The following MBTPS1 variants were observed in gnomAD, a reference collection of about 807,000 sequenced individuals.
MBTPS1 encodes membrane bound transcription factor peptidase, site 1.
A neutral mutation model predicts 127.8 loss-of-function variants in MBTPS1; 94 were observed. The ratio of observed to expected loss-of-function variants is 0.74; its 90% CI spans 0.62 to 0.87. The LOEUF (loss-of-function observed/expected upper bound fraction) is 0.87, where lower values mean the gene tolerates loss of function less well. Among genes scored for constraint, MBTPS1 ranks in the 40% least tolerant of loss-of-function variants. The probability of loss-of-function intolerance (pLI) is 0.00; values close to 1 mark genes in which losing one functional copy is unlikely to be tolerated. For synonymous variants in MBTPS1, 632 were observed against 509.4 expected (o/e 1.24, Z -3.24); for missense variants, 1,636 against 1,353.2 (o/e 1.21, Z -3.28).
At chr16:84,090,548 A>T (rs904770018) in intron 8 of MBTPS1, among the ~76,000 whole-genome samples, 1 of 152,228 alleles carries the variant, frequency 6.6e-6, no homozygotes, top group South Asian at 2.1e-4. Flanking sequence ...AATCCCTAAT[A>T]GATTCACTTT....
chr16:84,083,946 C>G (rs908135018), intron 10 of MBTPS1, among the ~76,000 whole-genome samples: 1 of 152,186 alleles, frequency 6.6e-6, no homozygotes, highest in East Asian at 1.9e-4. Flanking sequence ...GGTCTACTCG[C>G]TTGGAGAACT....
At chr16:84,057,201 A>G (rs796438445) in intron 21 of MBTPS1, 8 of 152,358 alleles carry the variant, frequency 5.3e-5, no homozygotes, top group African/African-American at 1.7e-4. Context: ...AATGCCAATG[A>G]GCACTCATTA....
intron 1 of MBTPS1, among the ~76,000 whole-genome samples, chr16:84,109,136 T>C (rs992140756): frequency 1.3e-5 from 2 of 152,210 alleles, no homozygotes; most frequent in African/African-American, 2.4e-5. Flanking sequence ...CTAGGCTCTT[T>C]GGACAAAGAA....
chr16:84,054,501 T>G lies in MBTPS1; in HGVS notation c.3107A>C (p.Lys1036Thr), dbSNP rs1377570695. 3.1e-6 allele frequency: 5 copies of G among 1,613,392 alleles called. No individual in the cohort carries two copies. Among genetic ancestry groups the G allele is most frequent in the Non-Finnish European group, 4.2e-6 (5 of 1,179,662 alleles). ...AACCTGCTGCATGAGCTGCGGGCGC[T>G]TCACCCTGGGCTTCCTCCGCTTCGG... Reference protein sequence around the residue: ...SRPKRRKPRVKRPQLMQQVHP... With the variant: ...SRPKRRKPRVTRPQLMQQVHP... The change falls in exon 23 of 23, where the codon AAG becomes ACG. Residue 1036 changes from lysine to threonine, a missense_variant. Lys to Thr is a moderately conservative substitution (Grantham distance 78, BLOSUM62 -1). Coordinates refer to ENST00000343411, the MANE Select transcript of MBTPS1 (RefSeq NM_003791.4).
intron 1 of MBTPS1, among the ~76,000 whole-genome samples, chr16:84,111,600 A>T (rs1316548904): frequency 6.6e-6 from 1 of 152,118 alleles, no homozygotes; most frequent in Non-Finnish European, 1.5e-5. Flanking sequence ...GGAAGAAGTC[A>T]GGAGCCAAGG....
chr16:84,065,224 TCTCCTGC>T (rs2085664123), intron 18 of MBTPS1, among the ~76,000 whole-genome samples: 1 of 151,914 alleles, frequency 6.6e-6, no homozygotes, highest in Non-Finnish European at 1.5e-5. Context: ...TTCAAGCGAT[TCTCCTGC>T]CTCAGCCTCC....
At chr16:84,107,502 T>G (rs1397432942) in intron 1 of MBTPS1, among the ~76,000 whole-genome samples, 4 of 152,196 alleles carry the variant, frequency 2.6e-5, no homozygotes, top group Non-Finnish European at 5.9e-5. Context: ...CAAGACTATT[T>G]CAAAGGATTT....
chr16:84,071,042 A>G (rs4782890), intron 12 of MBTPS1, among the ~76,000 whole-genome samples: 81,248 of 152,050 alleles, frequency 0.53, 22,125 homozygotes, highest in Admixed American at 0.59. Flanking sequence ...ATTATAAAAC[A>G]GGAACTTTTG....
intron 14 of MBTPS1, among the ~76,000 whole-genome samples, chr16:84,068,964 G>A (rs912102037): frequency 6.6e-6 from 1 of 152,016 alleles, no homozygotes; most frequent in Non-Finnish European, 1.5e-5. Context: ...ACCCTCTAGG[G>A]GTCACCTCAT....
Position 84,060,933 on chromosome 16 carries a change from A to C in MBTPS1, c.2573-120T>G, listed in dbSNP as rs185057034. On this transcript the variant is annotated intron_variant, in intron 19 of 22. Transcript: ENST00000343411. ...ACTGCAGCCTTGAGCTCCTGGGCTCAAGTGATCCTCCTGCCTCAGCCTCCC... is the reference window on the plus strand; with the variant it reads ...ACTGCAGCCTTGAGCTCCTGGGCTCCAGTGATCCTCCTGCCTCAGCCTCCC... The C allele has an allele frequency of 6.2e-5, 57 of 915,222 alleles. 1 individual carries two copies. The highest frequency in any genetic ancestry group is 3.5e-4 in the Middle Eastern group (1 of 2,848). 56.7% of individuals were successfully genotyped at this position (915,222 alleles called of 1,614,324 possible). A position where few individuals can be genotyped will look rare whatever the true frequency, so the allele number is the denominator to read the frequency against.
intron 1 of MBTPS1, among the ~76,000 whole-genome samples, chr16:84,103,882 G>A (rs1252973603): frequency 6.6e-6 from 1 of 152,156 alleles, no homozygotes. Context: ...AAAGTTTAAA[G>A]CAGTTACATC....
At chr16:84,090,123 C>G (rs2086083206) in intron 8 of MBTPS1, among the ~76,000 whole-genome samples, 1 of 152,168 alleles carries the variant, frequency 6.6e-6, no homozygotes, top group South Asian at 2.1e-4. Flanking sequence ...CACATAGCTT[C>G]ACCTTGTCTT....
intron 9 of MBTPS1, 147 bp downstream of exon 9, chr16:84,087,211 C>G: frequency 5.5e-5 from 35 of 635,784 alleles, no homozygotes; most frequent in African/African-American, 1.8e-5. Context: ...CACGGCTGGG[C>G]AGGCACTCAC....
Position 84,060,692 on chromosome 16 carries a change from C to G in MBTPS1, c.2694G>C (p.Glu898Asp). Residue 898 changes from glutamate to aspartate, a missense_variant, in exon 20 of 23, where the codon GAG becomes GAC. Physicochemically the swap from Glu to Asp is conservative, Grantham distance 45. Coordinates refer to ENST00000343411, the MANE Select transcript of MBTPS1 (RefSeq NM_003791.4). Reference protein sequence around the residue: ...PPSGAGSVTPERMEGNHLHRY... With the variant: ...PPSGAGSVTPDRMEGNHLHRY... The stretch of plus-strand genomic sequence containing the variant: ...TGCCCATCCACTCACCTTCCATCCT[C>G]TCTGGAGTGACTGAGCCTGCTCCAC... 1 of 1,614,038 alleles carries G rather than the reference C, an allele frequency of 6.2e-7. No homozygotes were observed. Among genetic ancestry groups the G allele is most frequent in the East Asian group, 2.2e-5 (1 of 44,880 alleles).
intron 3 of MBTPS1, among the ~76,000 whole-genome samples, chr16:84,096,157 G>A (rs1597342655): frequency 6.6e-6 from 1 of 152,174 alleles, no homozygotes; most frequent in South Asian, 2.1e-4. Flanking sequence ...TGAACCAGAA[G>A]GGGGAAAAGT....
intron 8 of MBTPS1, among the ~76,000 whole-genome samples, chr16:84,088,648 G>A (rs1156680409): frequency 2.0e-5 from 3 of 152,178 alleles, no homozygotes; most frequent in Admixed American, 6.5e-5. Flanking sequence ...GAGGCTGCAG[G>A]CTTGCTGGCA....
chr16:84,083,458 C>CA (rs2085971233), intron 10 of MBTPS1, among the ~76,000 whole-genome samples: 1 of 147,020 alleles, frequency 6.8e-6, no homozygotes, highest in Non-Finnish European at 1.5e-5. Flanking sequence ...ATATCTACCC[C>CA]TTTTTTTTTT....
At chr16:84,063,176 C>G in intron 19 of MBTPS1, 129 bp downstream of exon 19, 1 of 938,714 alleles carries the variant, frequency 1.1e-6, no homozygotes, top group Non-Finnish European at 1.6e-6. Context: ...TGCAACATCT[C>G]CAGCTGAGCC....
intron 9 of MBTPS1, 39 bp downstream of exon 9, chr16:84,087,319 G>T (rs375707952): frequency 1.3e-6 from 2 of 1,511,522 alleles, no homozygotes; most frequent in Non-Finnish European, 9.2e-7. Context: ...ACAGTAGTTT[G>T]TCCAGCTAAA....
Sources: allele counts gnomAD v4.1 joint callset (sites outside exome capture counted in the v4.1 genomes callset), GRCh38; gene constraint gnomAD v4.1.1; transcripts MANE v1.5; gene names NCBI Gene and HGNC (gene_info 2026-07-23, HGNC 2026-07-21).